The following CLEC16A variants were observed in gnomAD, a reference collection of about 807,000 sequenced individuals.
CLEC16A encodes the protein protein CLEC16A.
A neutral mutation model predicts 109.5 loss-of-function variants in CLEC16A; 51 were observed. That is an observed-to-expected ratio of 0.47 (90% CI 0.37 to 0.59). The LOEUF (loss-of-function observed/expected upper bound fraction) is 0.59. CLEC16A is among the 20% of genes least tolerant of loss of function. CLEC16A has a pLI of 0.00. For synonymous variants in CLEC16A, 673 were observed against 564.2 expected, an observed-to-expected ratio of 1.19 and a Z score of -2.73; for missense variants, 1,339 against 1,394.0, an observed-to-expected ratio of 0.96 and a Z score of 0.63.
chr16:11,115,611 G>A (rs1425479075), intron 19 of CLEC16A, among the ~76,000 whole-genome samples: 2 of 152,066 alleles, frequency 1.3e-5, no homozygotes, highest in African/African-American at 2.4e-5. Flanking sequence ...GGGCTCAAGC[G>A]ATCCACCCAT....
At chr16:11,163,482 G>C (rs2054797503) in intron 22 of CLEC16A, among the ~76,000 whole-genome samples, 1 of 80,050 alleles carries the variant, frequency 1.2e-5, no homozygotes, top group Non-Finnish European at 2.4e-5. Context: ...GGTAGTTGGT[G>C]ATTTTTTTGT....
chr16:11,123,420 T>C (rs1224657735), intron 20 of CLEC16A, among the ~76,000 whole-genome samples: 1 of 152,246 alleles, frequency 6.6e-6, no homozygotes, highest in African/African-American at 2.4e-5. Context: ...GTGTTACCTG[T>C]GGCCCCTTGA....
At chr16:11,132,836 C>T (rs926877034) in intron 22 of CLEC16A, among the ~76,000 whole-genome samples, 6 of 152,032 alleles carry the variant, frequency 3.9e-5, no homozygotes, top group African/African-American at 1.2e-4. Context: ...GATGTGTGGG[C>T]GGATGGATGC....
intron 19 of CLEC16A, among the ~76,000 whole-genome samples, chr16:11,101,709 A>G (rs2050925983): frequency 6.6e-6 from 1 of 152,194 alleles, no homozygotes. Flanking sequence ...GATACTCCAT[A>G]AAAGTTTCTT....
chr16:11,123,780 C>A lies in CLEC16A; in HGVS notation c.2307C>A (p.Ala769=). The change falls in exon 21 of 24, where the codon GCC becomes GCA. Residue 769 remains alanine, a synonymous_variant. Transcript: ENST00000409790. ...QVTGVEDDSR[A]LNITIHKPAS... is the part of the protein sequence containing the mutation. Reference sequence around the variant, plus strand: ...CTGGCGTGGAGGACGACAGCCGTGCCCTGAACATCACCATCCACAAGCCTG... The same window carrying A: ...CTGGCGTGGAGGACGACAGCCGTGCACTGAACATCACCATCCACAAGCCTG... 1 of 1,614,068 alleles carries A rather than the reference C, an allele frequency of 6.2e-7. No homozygotes were observed. The highest frequency in any genetic ancestry group is 8.5e-7 in the Non-Finnish European group (1 of 1,179,910).
chr16:11,124,639 G>T lies in CLEC16A; in HGVS notation c.2473+693G>T, dbSNP rs114586607. Among the ~76,000 whole-genome samples, 1,176 of 152,302 alleles carry T rather than the reference G, an allele frequency of 7.7e-3. 17 individuals are homozygous for T. Among genetic ancestry groups the T allele is most frequent in the African/African-American group, 0.027 (1,107 of 41,562 alleles). On this transcript the variant is annotated intron_variant, in intron 21 of 23. Transcript: ENST00000409790. ...GAAGGCAAGGCCTTCTCCTCGGCGTGGGGGGAAGGCATGCTGTCAACTCCT... is the reference window on the plus strand; with the variant it reads ...GAAGGCAAGGCCTTCTCCTCGGCGTTGGGGGAAGGCATGCTGTCAACTCCT...
At chr16:11,124,442 T>A (rs948649677) in intron 21 of CLEC16A, among the ~76,000 whole-genome samples, 1 of 152,186 alleles carries the variant, frequency 6.6e-6, no homozygotes, top group South Asian at 2.1e-4. Context: ...CCAGTTCTTA[T>A]AAGAGGCAGC....
Position 11,116,933 on chromosome 16 carries a change from G to A in CLEC16A, c.2117-3682G>A, listed in dbSNP as rs376778268. 3.3e-5 allele frequency among the ~76,000 whole-genome samples: 5 copies of A among 152,144 alleles called. No individual in the cohort carries two copies. The East Asian group carries it at 9.6e-4, about 29-fold the overall frequency. ...ATAGTAGACTCATGGAGTCAACCCA[G>A]GTGCCCATCAATGGTGGACTGAATG... is the stretch of plus-strand genomic sequence containing the variant. On this transcript the variant is annotated intron_variant, in intron 19 of 23. Coordinates refer to ENST00000409790, the MANE Select transcript of CLEC16A (RefSeq NM_015226.3).
chr16:11,080,150 C>T (rs974268272), intron 19 of CLEC16A, among the ~76,000 whole-genome samples: 1 of 152,224 alleles, frequency 6.6e-6, no homozygotes, highest in Non-Finnish European at 1.5e-5. Context: ...CACCCACTCC[C>T]GTGCGCGTCC....
Position 11,021,495 on chromosome 16 carries a change from T to C in CLEC16A, c.1436+1170T>C, listed in dbSNP as rs1237675845. ...GATGTTGCTTAAGCAAAGGAAGAGG[T>C]ATCTGCTTAATGGAGGATTAGGCCA... On this transcript the variant is annotated intron_variant, in intron 12 of 23. Coordinates refer to ENST00000409790, the MANE Select transcript of CLEC16A (RefSeq NM_015226.3). 5.3e-5 allele frequency among the ~76,000 whole-genome samples: 8 copies of C among 152,214 alleles called. No individual in the cohort carries two copies. In the South Asian group the frequency reaches 1.2e-3, roughly 24 times the overall value.
At chr16:11,122,507 G>A (rs1477356146) in intron 20 of CLEC16A, among the ~76,000 whole-genome samples, 1 of 152,118 alleles carries the variant, frequency 6.6e-6, no homozygotes, top group African/African-American at 2.4e-5. Context: ...TCCAATGGGT[G>A]CTATTTGTCA....
intron 13 of CLEC16A, among the ~76,000 whole-genome samples, chr16:11,035,572 G>T (rs1485869227): frequency 6.6e-6 from 1 of 152,180 alleles, no homozygotes; most frequent in East Asian, 1.9e-4. Context: ...ATGACCCCAG[G>T]CAAGCTCATG....
At chr16:11,048,217 T>C (rs2047737808) in intron 17 of CLEC16A, 1 of 152,338 alleles carries the variant, frequency 6.6e-6, no homozygotes, top group South Asian at 2.1e-4. Context: ...CCATGTATTA[T>C]GTCCCTGCCT....
At chr16:11,003,883 C>T (rs1456216022) in intron 11 of CLEC16A, among the ~76,000 whole-genome samples, 2 of 150,004 alleles carry the variant, frequency 1.3e-5, no homozygotes, top group African/African-American at 4.9e-5. Context: ...ACCTTAATCC[C>T]AGCACTTTGG....
At chr16:10,990,747 G>C (rs1309910656) in intron 10 of CLEC16A, among the ~76,000 whole-genome samples, 8 of 152,226 alleles carry the variant, frequency 5.3e-5, no homozygotes, top group Admixed American at 5.2e-4. Context: ...GCTCCATGTA[G>C]AATGGGGACC....
At chr16:11,141,264 C>T (rs977277332) in intron 22 of CLEC16A, among the ~76,000 whole-genome samples, 6 of 152,248 alleles carry the variant, frequency 3.9e-5, no homozygotes, top group Non-Finnish European at 8.8e-5. Context: ...GTTGGAGCCA[C>T]CATGGAAGTC....
chr16:11,166,854 C>A (rs1214232688), intron 23 of CLEC16A, among the ~76,000 whole-genome samples: 1 of 152,224 alleles, frequency 6.6e-6, no homozygotes, highest in African/African-American at 2.4e-5. Context: ...CTATCATCAC[C>A]TCCACAGTCT....
intron 17 of CLEC16A, among the ~76,000 whole-genome samples, chr16:11,049,571 G>A (rs1273366181): frequency 1.3e-5 from 2 of 152,176 alleles, no homozygotes; most frequent in Non-Finnish European, 1.5e-5. Context: ...AAGGTGCCAC[G>A]CCCTTGCTCT....
chr16:10,989,265 G>T (rs565614270), intron 10 of CLEC16A, among the ~76,000 whole-genome samples: 2 of 152,080 alleles, frequency 1.3e-5, no homozygotes, highest in Non-Finnish European at 2.9e-5. Context: ...TTGTTGCCCA[G>T]TCTGGAGAGC....
Sources: gnomAD v4.1 joint callset for allele counts (sites outside exome capture counted in the v4.1 genomes callset) on GRCh38, gnomAD v4.1.1 for gene constraint, MANE v1.5 for transcripts, NCBI Gene and HGNC (gene_info 2026-07-23, HGNC 2026-07-21) for gene names.